IFT80: variants seen among roughly 807,000 people sequenced by gnomAD.
IFT80 encodes intraflagellar transport 80.
Under a neutral mutation model 107.9 loss-of-function variants are expected in IFT80, and 79 were observed. The ratio of observed to expected loss-of-function variants is 0.73; its 90% confidence interval spans 0.61 to 0.88. IFT80 has a LOEUF of 0.88. Ranked by LOEUF, IFT80 falls within the 40% of genes least tolerant of loss-of-function variation. The pLI, the probability that IFT80 is intolerant of heterozygous loss-of-function variation, is 0.00. For synonymous variants in IFT80, 299 were observed against 300.9 expected (o/e 0.99, Z 0.07); for missense variants, 797 against 914.2 (o/e 0.87, Z 1.65).
chr3:160,320,778 G>A (rs1479097361), intron 8 of IFT80, among the ~76,000 whole-genome samples: 1 of 150,980 alleles, frequency 6.6e-6, no homozygotes, highest in Non-Finnish European at 1.5e-5. Context: ...TATATATTTT[G>A]TTTGTTTGTT....
Position 160,304,582 on chromosome 3 carries a change from C to T in IFT80, c.1077-593G>A, listed in dbSNP as rs376144181. Among the ~76,000 whole-genome samples the T allele has an allele frequency of 2.6e-4, 39 of 151,884 alleles. No individual in the cohort carries two copies. In the East Asian group the frequency reaches 7.4e-3, roughly 29 times the overall value. On this transcript the variant is annotated intron_variant, in intron 10 of 19. Coordinates refer to ENST00000326448, the MANE Select transcript of IFT80 (RefSeq NM_020800.3). ...TCCCGAGTAGCTGGGACTACAGGCGCCTGCCACCACACCCGGCTAATTTTT... is the reference window on the plus strand; with the variant it reads ...TCCCGAGTAGCTGGGACTACAGGCGTCTGCCACCACACCCGGCTAATTTTT...
At chr3:160,296,719 C>G (rs866700740) in intron 12 of IFT80, among the ~76,000 whole-genome samples, 2 of 152,150 alleles carry the variant, frequency 1.3e-5, no homozygotes, top group Non-Finnish European at 1.5e-5. Flanking sequence ...GATAGAAAGG[C>G]TTTGCCTGGG....
chr3:160,375,778 T>C (rs1711965801), intron 5 of IFT80, 34 bp downstream of exon 5: 1 of 1,480,428 alleles, frequency 6.8e-7, no homozygotes. Flanking sequence ...ATTGTATAAT[T>C]TGCAAAAATG....
intron 18 of IFT80, among the ~76,000 whole-genome samples, chr3:160,274,971 C>T (rs1221926473): frequency 6.6e-6 from 1 of 152,196 alleles, no homozygotes; most frequent in African/African-American, 2.4e-5. Context: ...TAATTGATTG[C>T]TTAGTGATAA....
intron 1 of IFT80, chr3:160,391,644 CT>C (rs1713394130): frequency 6.6e-6 from 1 of 152,052 alleles, no homozygotes; most frequent in African/African-American, 2.4e-5. Flanking sequence ...GCACTCCAGC[CT>C]GGGCAACAAA....
Position 160,280,750 on chromosome 3 carries a change from A to C in IFT80, c.1581T>G (p.Thr527=), listed in dbSNP as rs1435496360. 3.1e-6 allele frequency: 5 copies of C among 1,612,674 alleles called. No individual in the cohort carries two copies. The highest frequency in any genetic ancestry group is 4.2e-6 in the Non-Finnish European group (5 of 1,178,878). Residue 527 remains threonine, a synonymous_variant, in exon 15 of 20, where the codon ACT becomes ACG. Transcript: ENST00000326448. ...TGGGGTAATACCACACTATAAATCG[A>C]GTATCTTGAAGTCCACAAAGGATAT... ...TCNILCGLQD[T]RFIVWYYPNT... is the part of the protein sequence containing the mutation.
intron 8 of IFT80, among the ~76,000 whole-genome samples, chr3:160,327,040 C>G (rs1194754668): frequency 6.6e-6 from 1 of 152,006 alleles, no homozygotes; most frequent in Non-Finnish European, 1.5e-5. Context: ...AACAGACAAG[C>G]AGAGAGCCAA....
At chr3:160,293,419 G>A (rs1474373569) in intron 12 of IFT80, among the ~76,000 whole-genome samples, 3 of 152,170 alleles carry the variant, frequency 2.0e-5, no homozygotes, top group African/African-American at 7.2e-5. Flanking sequence ...GTTGGTAAGA[G>A]TATAATACTG....
chr3:160,279,314 G>A lies in IFT80; in HGVS notation c.1715C>T (p.Thr572Ile), dbSNP rs751538474. The change falls in exon 16 of 20, where the codon ACT becomes ATT. Residue 572 changes from threonine to isoleucine, a missense_variant. Coordinates refer to ENST00000326448, the MANE Select transcript of IFT80 (RefSeq NM_020800.3). ...HIVSFVGNQVTIRRADGSLVH... is the reference protein window; with the variant it reads ...HIVSFVGNQVIIRRADGSLVH... ...CAGGGAGCCATCAGCTCTTCTAATA[G>A]TTACTTGATTTCCAACAAAACTCAC... 6.2e-6 allele frequency: 10 copies of A among 1,612,874 alleles called. 1 individual carries two copies. In the Admixed American group the frequency reaches 1.5e-4, roughly 24 times the overall value.
chr3:160,321,243 T>C (rs936713088), intron 8 of IFT80, among the ~76,000 whole-genome samples: 2 of 151,990 alleles, frequency 1.3e-5, no homozygotes, highest in African/African-American at 4.8e-5. Flanking sequence ...ATAACCTGCT[T>C]TGGGCGATAA....
intron 12 of IFT80, among the ~76,000 whole-genome samples, chr3:160,287,665 T>C (rs926501029): frequency 4.6e-5 from 7 of 152,142 alleles, no homozygotes; most frequent in African/African-American, 1.7e-4. Flanking sequence ...GCATATATCT[T>C]CTGGGGAACT....
chr3:160,364,352 A>C (rs756764502), intron 6 of IFT80, among the ~76,000 whole-genome samples: 1 of 152,182 alleles, frequency 6.6e-6, no homozygotes, highest in African/African-American at 2.4e-5. Flanking sequence ...ATCAGGAAAC[A>C]ACAGTGCTGG....
intron 11 of IFT80, among the ~76,000 whole-genome samples, chr3:160,301,504 A>C (rs947515750): frequency 5.3e-5 from 8 of 152,110 alleles, no homozygotes; most frequent in Non-Finnish European, 1.0e-4. Flanking sequence ...CTAGTGGTTA[A>C]AGTTTAAAGC....
At chr3:160,338,346 G>A (rs1719644140) in intron 8 of IFT80, among the ~76,000 whole-genome samples, 1 of 152,196 alleles carries the variant, frequency 6.6e-6, no homozygotes, top group African/African-American at 2.4e-5. Context: ...GCTCACGCCT[G>A]TAATCCTAGC....
At chr3:160,284,960 A>AT (rs1395897990) in intron 13 of IFT80, among the ~76,000 whole-genome samples, 1 of 152,208 alleles carries the variant, frequency 6.6e-6, no homozygotes, top group Admixed American at 6.5e-5. Context: ...ACAGTGATGA[A>AT]TAATAGGTAT....
At chr3:160,343,259 C>T (rs1720049139) in intron 8 of IFT80, among the ~76,000 whole-genome samples, 1 of 151,988 alleles carries the variant, frequency 6.6e-6, no homozygotes, top group Non-Finnish European at 1.5e-5. Flanking sequence ...AGGGAGATGC[C>T]TTTTTATTAT....
chr3:160,339,583 G>T (rs1357967776), intron 8 of IFT80, among the ~76,000 whole-genome samples: 2 of 152,052 alleles, frequency 1.3e-5, no homozygotes, highest in African/African-American at 4.8e-5. Context: ...ACAGCAAATT[G>T]CAGCTAACAC....
At chr3:160,304,061 T>C (rs1356756331) in intron 10 of IFT80, 72 bp from the exon 11 acceptor site, 1 of 1,006,684 alleles carries the variant, frequency 9.9e-7, no homozygotes, top group African/African-American at 1.6e-5. Flanking sequence ...TAGATTGGTA[T>C]TCATTTTAAA....
Position 160,285,834 on chromosome 3 carries a change from C to A in IFT80, c.1350G>T (p.Pro450=), listed in dbSNP as rs201146135. The A allele has an allele frequency of 6.2e-7, 1 of 1,609,982 alleles. No homozygotes were observed. The highest frequency in any genetic ancestry group is 1.1e-5 in the South Asian group (1 of 90,800). ...IFLFEASTGK[P]LGDGKFLSHK... is the part of the protein sequence containing the mutation. The stretch of plus-strand genomic sequence containing the variant: ...GAGAAAGAAACTTTCCATCACCTAA[C>A]GGCTTTCCGGTTGATGCCTCAAAGA... The change falls in exon 13 of 20, where the codon CCG becomes CCT. Residue 450 remains proline, a synonymous_variant. Transcript: ENST00000326448.
Sources: gnomAD v4.1 joint callset for allele counts (sites outside exome capture counted in the v4.1 genomes callset) on GRCh38, gnomAD v4.1.1 for gene constraint, MANE v1.5 for transcripts, NCBI Gene and HGNC (gene_info 2026-07-23, HGNC 2026-07-21) for gene names.